The following SPAG16 variants were observed in gnomAD, a reference collection of about 807,000 sequenced individuals.
The protein encoded by SPAG16 is sperm associated antigen 16, also known as sperm-associated antigen 16 protein.
A neutral mutation model predicts 80.4 loss-of-function variants in SPAG16; 86 were observed. That is an observed-to-expected ratio of 1.07 (90% CI 0.90 to 1.28). The LOEUF is 1.28. Ranked by LOEUF, SPAG16 falls within the 50% of genes most tolerant of loss-of-function variation. SPAG16 has a pLI of 0.00. For synonymous variants in SPAG16, 294 were observed against 265.9 expected (o/e 1.11, Z -1.03); for missense variants, 870 against 765.3 (o/e 1.14, Z -1.61).
chr2:213,307,138 A>C (rs1396037120), intron 3 of SPAG16, among the ~76,000 whole-genome samples: 1 of 152,084 alleles, frequency 6.6e-6, no homozygotes, highest in Non-Finnish European at 1.5e-5. Context: ...ACTCACCACT[A>C]TTGTGAATGT....
chr2:213,615,628 A>T (rs1201087069), intron 10 of SPAG16, among the ~76,000 whole-genome samples: 6 of 152,122 alleles, frequency 3.9e-5, no homozygotes, highest in Non-Finnish European at 8.8e-5. Context: ...AAAACCCAAA[A>T]AACTTTATTT....
intron 10 of SPAG16, among the ~76,000 whole-genome samples, chr2:213,620,971 C>A (rs901575393): frequency 2.0e-5 from 3 of 152,066 alleles, no homozygotes; most frequent in African/African-American, 7.2e-5. Context: ...TGAAAAATAT[C>A]ACTCTTTACT....
intron 13 of SPAG16, among the ~76,000 whole-genome samples, chr2:214,017,895 TTAA>T (rs1178643472): frequency 6.6e-6 from 1 of 152,262 alleles, no homozygotes; most frequent in Admixed American, 6.5e-5. Context: ...TTTATATTAA[TTAA>T]TACTAGAAAA....
chr2:213,869,280 T>TATATATATATATATAA, intron 11 of SPAG16, among the ~76,000 whole-genome samples: 1 of 112,452 alleles, frequency 8.9e-6, no homozygotes, highest in East Asian at 2.4e-4. Context: ...TATATATATA[T>TATATATATATATATAA]GTATATATAT....
At chr2:214,207,516 A>G (rs1415663876) in intron 15 of SPAG16, among the ~76,000 whole-genome samples, 2 of 152,130 alleles carry the variant, frequency 1.3e-5, no homozygotes, top group Non-Finnish European at 2.9e-5. Context: ...CTCAAATATC[A>G]GGCCCCAAAA....
At chr2:214,175,868 T>C (rs2057063760) in intron 15 of SPAG16, among the ~76,000 whole-genome samples, 2 of 151,446 alleles carry the variant, frequency 1.3e-5, no homozygotes, top group Admixed American at 6.6e-5. Context: ...AGTTTCTTTA[T>C]GTATAAAGGT....
chr2:214,218,580 T>C (rs1184183526), intron 15 of SPAG16, among the ~76,000 whole-genome samples: 1 of 152,192 alleles, frequency 6.6e-6, no homozygotes, highest in Admixed American at 6.5e-5. Flanking sequence ...GAAGAGAGGA[T>C]AAGAGATACT....
chr2:213,394,871 A>G (rs2067954774), intron 9 of SPAG16, among the ~76,000 whole-genome samples: 1 of 152,034 alleles, frequency 6.6e-6, no homozygotes, highest in Non-Finnish European at 1.5e-5. Context: ...TTTGGATGGG[A>G]GCTTTTTAAT....
At chr2:214,075,277 T>C (rs2051016576) in intron 13 of SPAG16, among the ~76,000 whole-genome samples, 1 of 152,106 alleles carries the variant, frequency 6.6e-6, no homozygotes, top group African/African-American at 2.4e-5. Flanking sequence ...GTGGCCCATT[T>C]AATAAATCCT....
intron 9 of SPAG16, among the ~76,000 whole-genome samples, chr2:213,475,391 C>T (rs1461494766): frequency 1.3e-5 from 2 of 152,084 alleles, no homozygotes; most frequent in Non-Finnish European, 2.9e-5. Flanking sequence ...GTTTTTTCTT[C>T]AAAGTCTGAG....
At chr2:213,885,807 C>T (rs901672313) in intron 11 of SPAG16, among the ~76,000 whole-genome samples, 1 of 152,140 alleles carries the variant, frequency 6.6e-6, no homozygotes, top group Non-Finnish European at 1.5e-5. Context: ...CATAGTTACA[C>T]ATACCTGTCA....
intron 9 of SPAG16, among the ~76,000 whole-genome samples, chr2:213,412,165 C>G (rs780876249): frequency 1.3e-5 from 2 of 152,148 alleles, no homozygotes; most frequent in Non-Finnish European, 2.9e-5. Flanking sequence ...ATCACCTGCT[C>G]CACCCTAACT....
At chr2:213,704,040 G>C (rs765278631) in intron 10 of SPAG16, among the ~76,000 whole-genome samples, 2 of 152,164 alleles carry the variant, frequency 1.3e-5, no homozygotes, top group Non-Finnish European at 2.9e-5. Flanking sequence ...AGATGAGAGT[G>C]CCCCATCCCC....
At chr2:213,806,607 T>C (rs2071784001) in intron 10 of SPAG16, among the ~76,000 whole-genome samples, 1 of 152,132 alleles carries the variant, frequency 6.6e-6, no homozygotes, top group Admixed American at 6.5e-5. Flanking sequence ...TAATTAATTA[T>C]TTATACATTA....
In SPAG16 at chr2:213,477,114, G is replaced by T. The variant is rs1465998579; in HGVS notation, c.943-12849G>T. On this transcript the variant is annotated intron_variant, in intron 9 of 15. Coordinates refer to ENST00000331683, the MANE Select transcript of SPAG16 (RefSeq NM_024532.5). The stretch of plus-strand genomic sequence containing the variant: ...TTGATGGGTTAAAAGGCATCATTCA[G>T]AAGAAATCAACTGAGAGAGAGTAGA... 8.5e-5 allele frequency among the ~76,000 whole-genome samples: 13 copies of T among 152,152 alleles called. No individual in the cohort carries two copies. The East Asian group carries it at 2.5e-3, about 29-fold the overall frequency.
At chr2:213,686,526 G>C (rs538071548) in intron 10 of SPAG16, among the ~76,000 whole-genome samples, 1 of 151,982 alleles carries the variant, frequency 6.6e-6, no homozygotes, top group South Asian at 2.1e-4. Context: ...AAACTTATTT[G>C]TATCTTTGTA....
At chr2:214,328,020 G>A (rs1400288440) in intron 15 of SPAG16, among the ~76,000 whole-genome samples, 1 of 152,030 alleles carries the variant, frequency 6.6e-6, no homozygotes, top group Non-Finnish European at 1.5e-5. Flanking sequence ...GTTCCTAGAG[G>A]CTCTATGATA....
chr2:213,398,128 A>G (rs2068133406), intron 9 of SPAG16, among the ~76,000 whole-genome samples: 1 of 150,762 alleles, frequency 6.6e-6, no homozygotes, highest in African/African-American at 2.4e-5. Context: ...AAAAATATCT[A>G]CATTTTCATT....
intron 13 of SPAG16, among the ~76,000 whole-genome samples, chr2:214,041,296 T>A (rs1250287124): frequency 6.6e-6 from 1 of 152,046 alleles, no homozygotes; most frequent in Non-Finnish European, 1.5e-5. Flanking sequence ...GTTTTCTTCT[T>A]TTTCACTGTT....
Sources: allele counts gnomAD v4.1 joint callset (sites outside exome capture counted in the v4.1 genomes callset), GRCh38; gene constraint gnomAD v4.1.1; transcripts MANE v1.5; gene names NCBI Gene and HGNC (gene_info 2026-07-23, HGNC 2026-07-21).